ZCWPW2: variants seen among roughly 807,000 people sequenced by gnomAD.
The protein encoded by ZCWPW2 is zinc finger CW-type and PWWP domain containing 2.
In ZCWPW2, 45 loss-of-function variants were observed where a neutral mutation model predicts 46.6. The ratio of observed to expected loss-of-function variants is 0.96; its 90% CI spans 0.76 to 1.24. The LOEUF (loss-of-function observed/expected upper bound fraction) is 1.24, where lower values mean the gene tolerates loss of function less well. Ranked by LOEUF, ZCWPW2 falls within the 50% of genes most tolerant of loss-of-function variation. The pLI is 0.00. For missense variants in ZCWPW2, 429 were observed against 403.9 expected, an observed-to-expected ratio of 1.06 and a Z score of -0.53; for synonymous variants, 152 against 137.1, an observed-to-expected ratio of 1.11 and a Z score of -0.76.
intron 7 of ZCWPW2, among the ~76,000 whole-genome samples, chr3:28,514,374 G>A (rs1254471833): frequency 2.6e-5 from 4 of 151,978 alleles, no homozygotes; most frequent in Middle Eastern, 3.4e-3. Context: ...ATAAAAACAC[G>A]TTAAAGTTGT....
chr3:28,380,606 G>A (rs1281612849), intron 1 of ZCWPW2, among the ~76,000 whole-genome samples: 1 of 151,928 alleles, frequency 6.6e-6, no homozygotes, highest in Non-Finnish European at 1.5e-5. Context: ...CTTCATTCCT[G>A]AAAATTCTAA....
chr3:28,385,789 C>A (rs574047958), intron 1 of ZCWPW2, among the ~76,000 whole-genome samples: 1 of 152,196 alleles, frequency 6.6e-6, no homozygotes, highest in Admixed American at 6.5e-5. Flanking sequence ...ACCTATTTGG[C>A]CATGGTGAAT....
At position 28,349,217 on chromosome 3, in the gene ZCWPW2, C is replaced by T. The variant is rs549606230; in HGVS notation, c.-134+14C>T. On this transcript the variant is annotated intron_variant, in intron 1 of 9. Transcript: ENST00000383768. ...GAGTGGAGTTAGGTAAGAGCGTTAC[C>T]AGCCGTCTTGTCTGTTGGGCCGAGG... 8.1e-6 allele frequency: 8 copies of T among 985,150 alleles called. No homozygotes were observed. In the East Asian group the frequency reaches 9.1e-4, roughly 112 times the overall value. The allele number at this position is 985,150 out of a possible 1,614,324, so 61.0% of individuals were successfully genotyped here.
intron 4 of ZCWPW2, among the ~76,000 whole-genome samples, chr3:28,443,841 G>A (rs1284366358): frequency 1.3e-5 from 2 of 152,068 alleles, no homozygotes; most frequent in Non-Finnish European, 2.9e-5. Context: ...ATTGGTGAAG[G>A]GTATATCTTC....
intron 2 of ZCWPW2, among the ~76,000 whole-genome samples, chr3:28,395,309 G>T (rs1016159869): frequency 1.3e-5 from 2 of 152,100 alleles, no homozygotes; most frequent in African/African-American, 2.4e-5. Flanking sequence ...ATGTAAATGG[G>T]AATGTAAAAT....
At chr3:28,435,040 G>A (rs1036813915) in intron 3 of ZCWPW2, 70 bp from the exon 4 acceptor site, 61 of 1,528,544 alleles carry the variant, frequency 4.0e-5, no homozygotes, top group East Asian at 1.4e-4. Context: ...GTTAATATGC[G>A]ATTGATAGAC....
At position 28,360,349 on chromosome 3, in the gene ZCWPW2, CAAAAAAAA is replaced by C. The variant is rs71087692; in HGVS notation, c.-134+11164_-134+11171del. Among the ~76,000 whole-genome samples the C allele has an allele frequency of 6.1e-3, 327 of 53,936 alleles. 3 individuals carry two copies. Among genetic ancestry groups the C allele is most frequent in the African/African-American group, 0.021 (294 of 14,060 alleles). The allele number at this position is 53,936 out of a possible 152,430, so 35.4% of individuals were successfully genotyped here. On this transcript the variant is annotated intron_variant, in intron 1 of 9. Transcript: ENST00000383768. The stretch of plus-strand genomic sequence containing the variant: ...TGAAACCCCGTCTCTACTAAAAATA[CAAAAAAAA>C]AAAAAAAAAAAAAAAAATAGCCAGG...
chr3:28,374,890 G>T lies in ZCWPW2; in HGVS notation c.-133-15608G>T, dbSNP rs546474489. Among the ~76,000 whole-genome samples the T allele has an allele frequency of 2.1e-3, 318 of 151,894 alleles. 4 individuals are homozygous for T. The highest frequency in any genetic ancestry group is 1.9e-4 in the Non-Finnish European group (13 of 67,880). ...TAATTTTTGTTGATTTTTCTTTCTG[G>T]ATGATCTGTGTGTTACCAAGAGTGA... On this transcript the variant is annotated intron_variant, in intron 1 of 9. Transcript: ENST00000383768.
chr3:28,420,170 C>T (rs1360607442), intron 3 of ZCWPW2, among the ~76,000 whole-genome samples: 1 of 151,364 alleles, frequency 6.6e-6, no homozygotes, highest in Admixed American at 6.6e-5. Context: ...TTATTTCTTG[C>T]CTTCTGCTAG....
intron 5 of ZCWPW2, among the ~76,000 whole-genome samples, chr3:28,484,482 G>GT (rs1179840625): frequency 6.6e-6 from 1 of 152,080 alleles, no homozygotes; most frequent in East Asian, 1.9e-4. Flanking sequence ...CAGATTGCCT[G>GT]TTTCTTTTTG....
At position 28,525,456 on chromosome 3, in the gene ZCWPW2, C is replaced by T. The variant is rs1575240831; in HGVS notation, c.*768C>T. ...TCTCATGAACAGTTTTAGTAGATATCCTTCTAGATATGTGTGGGCATTCAC... is the reference window on the plus strand; with the variant it reads ...TCTCATGAACAGTTTTAGTAGATATTCTTCTAGATATGTGTGGGCATTCAC... On this transcript the variant is annotated 3_prime_UTR_variant, in exon 10 of 10. Coordinates refer to ENST00000383768, the MANE Select transcript of ZCWPW2 (RefSeq NM_001040432.4). Among the ~76,000 whole-genome samples, 1 of 44,360 alleles carries T rather than the reference C, an allele frequency of 2.3e-5. No individual in the cohort carries two copies. Among genetic ancestry groups the T allele is most frequent in the African/African-American group, 7.4e-5 (1 of 13,588 alleles). The allele number at this position is 44,360 out of a possible 152,430, so 29.1% of individuals were successfully genotyped here.
At chr3:28,388,824 T>G (rs1001037861) in intron 1 of ZCWPW2, among the ~76,000 whole-genome samples, 22 of 152,204 alleles carry the variant, frequency 1.4e-4, no homozygotes, top group African/African-American at 5.3e-4. Flanking sequence ...ATGTGGGCCA[T>G]TAAGTACTCC....
At chr3:28,370,896 C>G (rs933319725) in intron 1 of ZCWPW2, among the ~76,000 whole-genome samples, 1 of 151,984 alleles carries the variant, frequency 6.6e-6, no homozygotes, top group African/African-American at 2.4e-5. Context: ...CCATGCCCAG[C>G]TAATTTTGTA....
intron 3 of ZCWPW2, among the ~76,000 whole-genome samples, chr3:28,429,933 AT>A (rs1431249323): frequency 1.3e-5 from 2 of 152,224 alleles, no homozygotes; most frequent in African/African-American, 4.8e-5. Flanking sequence ...AAATGCCTGG[AT>A]GTCCAGGCAG....
intron 4 of ZCWPW2, among the ~76,000 whole-genome samples, chr3:28,476,697 A>T (rs761655012): frequency 8.5e-5 from 13 of 152,280 alleles, no homozygotes; most frequent in Non-Finnish European, 1.5e-4. Context: ...ATTACATTGT[A>T]ATATATAATG....
intron 3 of ZCWPW2, among the ~76,000 whole-genome samples, chr3:28,427,805 T>A (rs1697078426): frequency 6.6e-6 from 1 of 152,228 alleles, no homozygotes; most frequent in African/African-American, 2.4e-5. Context: ...TATTTTATGC[T>A]GAATGGAGTA....
chr3:28,506,833 G>A (rs544578526), intron 6 of ZCWPW2, among the ~76,000 whole-genome samples: 1 of 152,134 alleles, frequency 6.6e-6, no homozygotes, highest in East Asian at 1.9e-4. Context: ...AAACAAAAAG[G>A]GTAGAATCTG....
intron 1 of ZCWPW2, among the ~76,000 whole-genome samples, chr3:28,370,024 G>A (rs1384581233): frequency 1.3e-5 from 2 of 152,190 alleles, no homozygotes; most frequent in Non-Finnish European, 2.9e-5. Flanking sequence ...CATTAGGGTG[G>A]GAGTGACCTG....
At chr3:28,426,344 TAC>T (rs1426506297) in intron 3 of ZCWPW2, among the ~76,000 whole-genome samples, 1 of 151,818 alleles carries the variant, frequency 6.6e-6, no homozygotes, top group Non-Finnish European at 1.5e-5. Context: ...TTCAGGAAGA[TAC>T]ATTGTCAAGC....
Sources: gnomAD v4.1 joint callset for allele counts (sites outside exome capture counted in the v4.1 genomes callset) on GRCh38, gnomAD v4.1.1 for gene constraint, MANE v1.5 for transcripts, NCBI Gene and HGNC (gene_info 2026-07-23, HGNC 2026-07-21) for gene names.